Variants in SIPA1L1 observed in about 807,000 individuals in gnomAD.
The protein encoded by SIPA1L1 is signal-induced proliferation-associated 1-like protein 1.
Under a neutral mutation model 162.7 loss-of-function variants are expected in SIPA1L1, and 26 were observed. The ratio of observed to expected loss-of-function variants is 0.16; its 90% confidence interval spans 0.12 to 0.22. The LOEUF (loss-of-function observed/expected upper bound fraction) is 0.22. Ranked by LOEUF, SIPA1L1 falls within the 10% of genes least tolerant of loss-of-function variation. SIPA1L1 has a pLI of 1.00. For synonymous variants in SIPA1L1, 829 were observed against 837.4 expected (o/e 0.99, Z 0.17); for missense variants, 1,874 against 2,241.0 (o/e 0.84, Z 3.31).
intron 2 of SIPA1L1, among the ~76,000 whole-genome samples, chr14:71,483,353 T>C (rs1051677915): frequency 3.9e-5 from 6 of 152,208 alleles, no homozygotes. Context: ...CTTTGCTCTT[T>C]GTGCGCACAT....
chr14:71,364,415 C>T (rs993376763), intron 2 of SIPA1L1, among the ~76,000 whole-genome samples: 27 of 152,088 alleles, frequency 1.8e-4, no homozygotes, highest in African/African-American at 6.3e-4. Flanking sequence ...TTAGTCTGGC[C>T]GTTTCATGAC....
At chr14:71,394,091 A>G (rs572871194) in intron 2 of SIPA1L1, among the ~76,000 whole-genome samples, 1 of 152,360 alleles carries the variant, frequency 6.6e-6, no homozygotes, top group East Asian at 1.9e-4. Context: ...TGTATGCGCT[A>G]TCAAAGCCAG....
intron 12 of SIPA1L1, among the ~76,000 whole-genome samples, chr14:71,674,987 A>T (rs1398816115): frequency 6.6e-6 from 1 of 152,222 alleles, no homozygotes; most frequent in Non-Finnish European, 1.5e-5. Context: ...TAGAGCACAG[A>T]TCCTTTCCTT....
chr14:71,672,704 G>T (rs1465525115), intron 12 of SIPA1L1, 82 bp downstream of exon 12: 2 of 1,431,800 alleles, frequency 1.4e-6, no homozygotes, highest in East Asian at 2.4e-5. Context: ...AGCAGGTAGT[G>T]GAGTAGGGTG....
chr14:71,403,961 G>C (rs1442387619), intron 2 of SIPA1L1, among the ~76,000 whole-genome samples: 1 of 151,952 alleles, frequency 6.6e-6, no homozygotes, highest in Non-Finnish European at 1.5e-5. Flanking sequence ...ACTTTCCCTT[G>C]ACTGCACACA....
rs1451688298 is a variant in SIPA1L1 at position 71,739,304 on chromosome 14, A to G, written c.*143A>G. ...CCCCTTTCGGGGAGTGCACAACACA[A>G]TAGTTGCAGATCAACAATCATCACC... On this transcript the variant is annotated 3_prime_UTR_variant, in exon 24 of 24. Coordinates refer to ENST00000381232, the MANE Select transcript of SIPA1L1 (RefSeq NM_001386936.1). 7 of 567,780 alleles carry G rather than the reference A, an allele frequency of 1.2e-5. No individual in the cohort carries two copies. The highest frequency in any genetic ancestry group is 1.9e-5 in the Non-Finnish European group (7 of 364,480). The allele number at this position is 567,780 out of a possible 1,614,324, so 35.2% of individuals were successfully genotyped here.
intron 2 of SIPA1L1, chr14:71,330,393 C>G (rs1048407352): frequency 1.9e-6 from 2 of 1,080,630 alleles, no homozygotes; most frequent in African/African-American, 3.1e-5. Flanking sequence ...AGCGGACATG[C>G]ATGCTGATTT....
intron 6 of SIPA1L1, among the ~76,000 whole-genome samples, chr14:71,620,651 C>G (rs544250659): frequency 6.6e-6 from 1 of 152,238 alleles, no homozygotes; most frequent in Non-Finnish European, 1.5e-5. Flanking sequence ...CTGGTTTCCA[C>G]GAGCTTCCCT....
At chr14:71,534,635 G>A (rs1463611334) in intron 4 of SIPA1L1, among the ~76,000 whole-genome samples, 1 of 152,106 alleles carries the variant, frequency 6.6e-6, no homozygotes, top group Non-Finnish European at 1.5e-5. Context: ...TATGGAGTTA[G>A]GTGCCCCCTT....
At chr14:71,704,997 A>G in intron 15 of SIPA1L1, 3 of 615,972 alleles carry the variant, frequency 4.9e-6, no homozygotes, top group African/African-American at 1.8e-5. Context: ...TGGCTATGCT[A>G]ATGTGTATGA....
Position 71,739,050 on chromosome 14 carries a change from G to A in SIPA1L1, c.5241G>A (p.Glu1747=). 2 of 1,613,976 alleles carry A rather than the reference G, an allele frequency of 1.2e-6. No homozygotes were observed. Among genetic ancestry groups the A allele is most frequent in the African/African-American group, 1.3e-5 (1 of 75,038 alleles). The change falls in exon 24 of 24, where the codon GAG becomes GAA. Residue 1747 remains glutamate, a synonymous_variant. Transcript: ENST00000381232. ...AAGACAAAGCTCACCTTCAGGCGGA[G>A]GTGCAGCACCTGCGAGAGGACAACC... ...EKEDKAHLQA[E]VQHLREDNLR...
intron 2 of SIPA1L1, among the ~76,000 whole-genome samples, chr14:71,394,976 A>C (rs1482014745): frequency 6.6e-6 from 1 of 152,220 alleles, no homozygotes; most frequent in Non-Finnish European, 1.5e-5. Flanking sequence ...ATGGGGCTGC[A>C]TTATATAATA....
chr14:71,554,299 T>A (rs1188408694), intron 4 of SIPA1L1, among the ~76,000 whole-genome samples: 1 of 152,186 alleles, frequency 6.6e-6, no homozygotes, highest in East Asian at 1.9e-4. Flanking sequence ...ATTACTGCTT[T>A]CTTTGCACAC....
In SIPA1L1 at chr14:71,446,906, G is replaced by GTTTTTTTTTTTTTTTTTTTT. The variant is rs1189940440; in HGVS notation, c.-464-65833_-464-65814dup. Among the ~76,000 whole-genome samples, 49 of 53,236 alleles carry GTTTTTTTTTTTTTTTTTTTT rather than the reference G, an allele frequency of 9.2e-4. 2 individuals are homozygous for GTTTTTTTTTTTTTTTTTTTT. Among genetic ancestry groups the GTTTTTTTTTTTTTTTTTTTT allele is most frequent in the East Asian group, 1.5e-3 (2 of 1,320 alleles). The allele number at this position is 53,236 out of a possible 152,430, so 34.9% of individuals were successfully genotyped here. ...AGAGATGGGCTCTGTTTTTTTTTTTGTTTTTTTTTTTTTTTTTTTTTTTGA... is the reference window on the plus strand; with the variant it reads ...AGAGATGGGCTCTGTTTTTTTTTTTGTTTTTTTTTTTTTTTTTTTTTTTTTTTTTTTTTTTTTTTTTTTGA... On this transcript the variant is annotated intron_variant, in intron 2 of 23. Coordinates refer to ENST00000381232, the MANE Select transcript of SIPA1L1 (RefSeq NM_001386936.1).
chr14:71,345,277 C>T (rs560382906), intron 2 of SIPA1L1, among the ~76,000 whole-genome samples: 2 of 152,102 alleles, frequency 1.3e-5, no homozygotes, highest in African/African-American at 4.8e-5. Context: ...TTTGGTTCTC[C>T]GTGCATACTC....
chr14:71,565,248 C>T (rs906170898), intron 4 of SIPA1L1, among the ~76,000 whole-genome samples: 1 of 152,168 alleles, frequency 6.6e-6, no homozygotes, highest in Non-Finnish European at 1.5e-5. Flanking sequence ...TCTTATATAA[C>T]ACAACCTTTT....
intron 4 of SIPA1L1, among the ~76,000 whole-genome samples, chr14:71,542,539 CCT>C (rs1159197646): frequency 6.7e-6 from 1 of 148,444 alleles, no homozygotes; most frequent in African/African-American, 2.5e-5. Flanking sequence ...TCTTCCTCCT[CCT>C]CTCTTCCTCC....
chr14:71,502,395 T>G (rs1198261102), intron 2 of SIPA1L1, among the ~76,000 whole-genome samples: 2 of 151,092 alleles, frequency 1.3e-5, no homozygotes, highest in African/African-American at 4.9e-5. Context: ...CATGCTACCA[T>G]GCCTGGCAAT....
intron 2 of SIPA1L1, among the ~76,000 whole-genome samples, chr14:71,348,402 A>G (rs1290665535): frequency 1.3e-5 from 2 of 152,230 alleles, no homozygotes; most frequent in Non-Finnish European, 2.9e-5. Context: ...CTTGCCTAAC[A>G]TGTAAAATTT....
Sources: allele counts gnomAD v4.1 joint callset (sites outside exome capture counted in the v4.1 genomes callset), GRCh38; gene constraint gnomAD v4.1.1; transcripts MANE v1.5; gene names NCBI Gene and HGNC (gene_info 2026-07-23, HGNC 2026-07-21).